The following PAMR1 variants were observed in gnomAD, a reference collection of about 807,000 sequenced individuals.
The protein encoded by PAMR1 is inactive serine protease PAMR1.
A neutral mutation model predicts 81.8 loss-of-function variants in PAMR1; 88 were observed. That is an observed-to-expected ratio of 1.08 (90% CI 0.91 to 1.28). The LOEUF is 1.28. PAMR1 is among the 50% of genes most tolerant of loss of function. The pLI, the probability that PAMR1 is intolerant of heterozygous loss-of-function variation, is 0.00. For synonymous variants in PAMR1, 336 were observed against 345.3 expected (o/e 0.97, Z 0.30); for missense variants, 935 against 919.7 (o/e 1.02, Z -0.21).
chr11:35,433,806 A>AGATGGAGG (rs1327373676), intron 10 of PAMR1, among the ~76,000 whole-genome samples: 4 of 127,210 alleles, frequency 3.1e-5, no homozygotes, highest in Admixed American at 1.4e-4. Flanking sequence ...ATGGATGGAT[A>AGATGGAGG]GATGGAGGGA....
chr11:35,478,832 G>A (rs562173516), intron 3 of PAMR1, among the ~76,000 whole-genome samples: 1 of 151,750 alleles, frequency 6.6e-6, no homozygotes, highest in East Asian at 1.9e-4. Context: ...ATAGGTGTGT[G>A]GGCGTGTGTG....
intron 3 of PAMR1, among the ~76,000 whole-genome samples, chr11:35,489,768 C>T (rs1297443260): frequency 6.6e-6 from 1 of 152,202 alleles, no homozygotes; most frequent in African/African-American, 2.4e-5. Flanking sequence ...AAAGGCATAG[C>T]TCAACCTTCA....
intron 3 of PAMR1, among the ~76,000 whole-genome samples, chr11:35,487,824 G>C (rs1483146664): frequency 6.6e-6 from 1 of 152,182 alleles, no homozygotes; most frequent in East Asian, 1.9e-4. Context: ...CCTCAGGCAA[G>C]TTACTTCACA....
At chr11:35,479,592 C>T (rs1188700777) in intron 3 of PAMR1, among the ~76,000 whole-genome samples, 2 of 152,310 alleles carry the variant, frequency 1.3e-5, no homozygotes, top group African/African-American at 4.8e-5. Context: ...TGCTCCAGGG[C>T]TCATGAGAGC....
chr11:35,433,520 T>C (rs996324286), intron 10 of PAMR1, among the ~76,000 whole-genome samples: 6 of 152,266 alleles, frequency 3.9e-5, no homozygotes, highest in African/African-American at 1.4e-4. Context: ...ATGTATATGT[T>C]CTATTACCTC....
At chr11:35,472,314 A>G (rs1308203211) in intron 4 of PAMR1, among the ~76,000 whole-genome samples, 1 of 152,200 alleles carries the variant, frequency 6.6e-6, no homozygotes, top group African/African-American at 2.4e-5. Flanking sequence ...GAGATAGTGC[A>G]ACTATATTTG....
intron 6 of PAMR1, among the ~76,000 whole-genome samples, chr11:35,462,379 C>A (rs1856673332): frequency 6.6e-6 from 1 of 152,188 alleles, no homozygotes; most frequent in Non-Finnish European, 1.5e-5. Flanking sequence ...ACACTGGCAC[C>A]ACCTACTTGT....
At chr11:35,456,132 C>T (rs1856526369) in intron 6 of PAMR1, among the ~76,000 whole-genome samples, 1 of 152,122 alleles carries the variant, frequency 6.6e-6, no homozygotes, top group Non-Finnish European at 1.5e-5. Flanking sequence ...AGAATAAATA[C>T]ATATATAATT....
At chr11:35,462,207 C>G (rs1479134717) in intron 6 of PAMR1, among the ~76,000 whole-genome samples, 1 of 152,206 alleles carries the variant, frequency 6.6e-6, no homozygotes, top group African/African-American at 2.4e-5. Context: ...ATGCTTTGAG[C>G]AACCTGCTCT....
chr11:35,434,780 G>A lies in PAMR1; in HGVS notation c.1358C>T (p.Thr453Ile). The change falls in exon 10 of 11, where the codon ACT becomes ATT. Residue 453 changes from threonine (T) to isoleucine (I), a missense_variant. Coordinates refer to ENST00000619888, the MANE Select transcript of PAMR1 (RefSeq NM_001001991.3). ...GCGCAACCCTTGGGTCTTTGGAGCA[G>A]TGATGTTCTCAATTTTCCCGCAGAC... ...IPICGKIENI[T>I]APKTQGLRWP... 1 of 1,613,508 alleles carries A rather than the reference G, an allele frequency of 6.2e-7. No individual in the cohort carries two copies. Among genetic ancestry groups the A allele is most frequent in the Non-Finnish European group, 8.5e-7 (1 of 1,179,494 alleles).
At position 35,470,708 on chromosome 11, in the gene PAMR1, T is replaced by G. The variant is rs769503396; in HGVS notation, c.605A>C (p.Glu202Ala). Reference sequence around the variant, plus strand: ...TATGCTCTGGATAGGAGCTGGCCGCTCGTTGCCACAGACACGCTTGATGAT... The same window carrying G: ...TATGCTCTGGATAGGAGCTGGCCGCGCGTTGCCACAGACACGCTTGATGAT... ...GQIIKRVCGN[E>A]RPAPIQSIGS... The change falls in exon 5 of 11, where the codon GAG becomes GCG. Residue 202 changes from glutamate to alanine, a missense_variant. Physicochemically the swap from Glu to Ala is moderately radical, Grantham distance 107. Coordinates refer to ENST00000619888, the MANE Select transcript of PAMR1 (RefSeq NM_001001991.3). 6.2e-7 allele frequency: 1 copy of G among 1,614,106 alleles called. No individual in the cohort carries two copies. The highest frequency in any genetic ancestry group is 8.5e-7 in the Non-Finnish European group (1 of 1,179,992).
rs1370370294 is a variant in PAMR1, at chr11:35,432,665, G to A, written c.1854C>T (p.Arg618=). 3 of 1,613,670 alleles carry A rather than the reference G, an allele frequency of 1.9e-6. No individual in the cohort carries two copies. The African/African-American group carries it at 4.0e-5, about 22-fold the overall frequency. Residue 618 remains arginine, a synonymous_variant, in exon 11 of 11, where the codon CGC becomes CGT. Transcript: ENST00000619888. ...RSPGFKNDTL[R]SGVVSVVDSL... ...AGTCCACCACACTGACCACCCCAGA[G>A]CGCAGTGTGTCGTTCTTGAAGCCAG...
At chr11:35,480,834 T>C (rs1206702459) in intron 3 of PAMR1, among the ~76,000 whole-genome samples, 1 of 152,100 alleles carries the variant, frequency 6.6e-6, no homozygotes, top group African/African-American at 2.4e-5. Flanking sequence ...AGATATTTGT[T>C]CCGATATTCT....
rs1003593227 is a variant in PAMR1 at position 35,467,867 on chromosome 11, G to C, written c.820+134C>G. On this transcript the variant is annotated intron_variant, in intron 6 of 10. Coordinates refer to ENST00000619888, the MANE Select transcript of PAMR1 (RefSeq NM_001001991.3). ...ATGCCCCTCTGAGAATCACTCACTGGGAGTATCCACACTGTGCACCATCTT... is the reference window on the plus strand; with the variant it reads ...ATGCCCCTCTGAGAATCACTCACTGCGAGTATCCACACTGTGCACCATCTT... The C allele has an allele frequency of 2.3e-5, 12 of 530,040 alleles. No homozygotes were observed. The African/African-American group carries it at 2.3e-4, about 10-fold the overall frequency. The allele number at this position is 530,040 out of a possible 1,614,324, so 32.8% of individuals were successfully genotyped here. A position where few individuals can be genotyped will look rare whatever the true frequency, so the allele number is the denominator to read the frequency against.
At chr11:35,482,029 T>G (rs1244820983) in intron 3 of PAMR1, among the ~76,000 whole-genome samples, 1 of 152,166 alleles carries the variant, frequency 6.6e-6, no homozygotes, top group East Asian at 1.9e-4. Flanking sequence ...TGCAGAAGCT[T>G]TTTAGTCTAA....
intron 1 of PAMR1, among the ~76,000 whole-genome samples, chr11:35,505,851 T>G (rs1850939468): frequency 6.6e-6 from 1 of 152,132 alleles, no homozygotes; most frequent in Non-Finnish European, 1.5e-5. Flanking sequence ...CATGTAAATT[T>G]AGAGTTGTTA....
At chr11:35,480,896 T>C (rs1186611188) in intron 3 of PAMR1, among the ~76,000 whole-genome samples, 1 of 152,138 alleles carries the variant, frequency 6.6e-6, no homozygotes, top group African/African-American at 2.4e-5. Flanking sequence ...GTTGTTTCCC[T>C]CCCTATGTCC....
At position 35,462,804 on chromosome 11, in the gene PAMR1, A is replaced by T. The variant is rs181542708; in HGVS notation, c.820+5197T>A. On this transcript the variant is annotated intron_variant, in intron 6 of 10. Coordinates refer to ENST00000619888, the MANE Select transcript of PAMR1 (RefSeq NM_001001991.3). ...TAAATGACTCGCTCAAGACCACCTG[A>T]CTAGTTAATTGAAGACTCAGTGTCA... Among the ~76,000 whole-genome samples the T allele has an allele frequency of 6.5e-3, 983 of 152,260 alleles. 37 individuals carry two copies. The highest frequency in any genetic ancestry group is 0.058 in the Admixed American group (889 of 15,290).
rs140282134 is a variant in PAMR1 at position 35,507,477 on chromosome 11, T to C, written c.74-13205A>G. Among the ~76,000 whole-genome samples, 463 of 152,364 alleles carry C rather than the reference T, an allele frequency of 3.0e-3. 3 individuals are homozygous for C. Among genetic ancestry groups the C allele is most frequent in the Admixed American group, 5.2e-3 (80 of 15,304 alleles). On this transcript the variant is annotated intron_variant, in intron 1 of 10. Coordinates refer to ENST00000619888, the MANE Select transcript of PAMR1 (RefSeq NM_001001991.3). ...AGATTTCTGTTTGGTTTCTTTATTA[T>C]TATTTAATCTCTTTGTGAAATTTTT...
Sources: allele counts gnomAD v4.1 joint callset (sites outside exome capture counted in the v4.1 genomes callset), GRCh38; gene constraint gnomAD v4.1.1; transcripts MANE v1.5; gene names NCBI Gene and HGNC (gene_info 2026-07-23, HGNC 2026-07-21).